Variants in TCEA1 observed in about 807,000 individuals in gnomAD.
TCEA1 encodes the protein transcription elongation factor A protein 1.
A neutral mutation model predicts 43.8 loss-of-function variants in TCEA1; 21 were observed. That is an observed-to-expected ratio of 0.48 (90% CI 0.34 to 0.69). TCEA1 has a LOEUF of 0.69. TCEA1 is among the 30% of genes least tolerant of loss of function. The pLI is 0.01. For synonymous variants in TCEA1, 104 were observed against 117.5 expected (o/e 0.88, Z 0.75); for missense variants, 250 against 365.1 (o/e 0.68, Z 2.57).
Position 53,967,195 on chromosome 8 carries a change from T to C in TCEA1, c.*909A>G, listed in dbSNP as rs1484245595. 4.9e-6 allele frequency: 1 copy of C among 204,322 alleles called. No individual in the cohort carries two copies. Among genetic ancestry groups the C allele is most frequent in the Non-Finnish European group, 1.0e-5 (1 of 99,494 alleles). The allele number at this position is 204,322 out of a possible 1,614,324, so 12.7% of individuals were successfully genotyped here. On this transcript the variant is annotated 3_prime_UTR_variant, in exon 10 of 10. Transcript: ENST00000521604. Reference sequence around the variant, plus strand: ...ATCCTTAAGATTAATCCTTGGTCAGTATAGATTTCCGAATCAAAATCTAGT... The same window carrying C: ...ATCCTTAAGATTAATCCTTGGTCAGCATAGATTTCCGAATCAAAATCTAGT...
chr8:54,012,493 A>T (rs1470423076), intron 1 of TCEA1, among the ~76,000 whole-genome samples: 3 of 152,208 alleles, frequency 2.0e-5, no homozygotes, highest in Non-Finnish European at 2.9e-5. Context: ...CAGGAAGTGG[A>T]GGTTGCAGTG....
intron 8 of TCEA1, chr8:53,974,007 T>A (rs7845907): frequency 0.15 from 24,399 of 159,026 alleles, 5,423 homozygotes; most frequent in African/African-American, 0.51. Context: ...AAACCCTGTC[T>A]CTACTAAAAA....
intron 2 of TCEA1, among the ~76,000 whole-genome samples, chr8:54,006,863 A>G (rs995067865): frequency 6.6e-6 from 1 of 152,090 alleles, no homozygotes; most frequent in Non-Finnish European, 1.5e-5. Context: ...TTTGATACAG[A>G]GTCTTGCTCT....
rs1803750051 is a variant in TCEA1 at position 53,988,145 on chromosome 8, C to T, written c.435G>A (p.Arg145=). The change falls in exon 5 of 10, where the codon AGG becomes AGA. Residue 145 remains arginine (R), a synonymous_variant. Coordinates refer to ENST00000521604, the MANE Select transcript of TCEA1 (RefSeq NM_006756.4). ...TTCGAAGAGCTGCAGCAAGCATCTC[C>T]CTACACTTCAACCGCACAGAATCAG... is the stretch of plus-strand genomic sequence containing the variant. ...STSDSVRLKC[R]EMLAAALRTG... is the part of the protein sequence containing the mutation. 6.2e-7 allele frequency: 1 copy of T among 1,612,314 alleles called. No individual in the cohort carries two copies. Among genetic ancestry groups the T allele is most frequent in the Non-Finnish European group, 8.5e-7 (1 of 1,179,596 alleles).
intron 2 of TCEA1, among the ~76,000 whole-genome samples, chr8:54,005,549 T>C (rs913830875): frequency 6.6e-6 from 1 of 152,286 alleles, no homozygotes; most frequent in Non-Finnish European, 1.5e-5. Context: ...CTACCTTTCT[T>C]GAATATTCTT....
intron 1 of TCEA1, among the ~76,000 whole-genome samples, chr8:54,017,498 T>C (rs774193784): frequency 2.6e-4 from 40 of 152,216 alleles, no homozygotes; most frequent in Non-Finnish European, 3.7e-4. Context: ...TGAGACATTG[T>C]CTCGCTCTGT....
intron 8 of TCEA1, among the ~76,000 whole-genome samples, chr8:53,970,765 G>T (rs1024880438): frequency 1.3e-5 from 2 of 152,020 alleles, no homozygotes; most frequent in African/African-American, 4.8e-5. Context: ...AAATTCATCA[G>T]TAAGTTATTT....
At chr8:54,007,706 A>T (rs2129311561) in intron 2 of TCEA1, among the ~76,000 whole-genome samples, 1 of 152,298 alleles carries the variant, frequency 6.6e-6, no homozygotes, top group Admixed American at 6.5e-5. Flanking sequence ...TTTTTTTCTC[A>T]ATCATGTTCA....
intron 1 of TCEA1, among the ~76,000 whole-genome samples, chr8:54,016,542 G>C (rs766428525): frequency 6.6e-6 from 1 of 152,040 alleles, no homozygotes; most frequent in Non-Finnish European, 1.5e-5. Flanking sequence ...AATGATGAAT[G>C]AATAAGCAAA....
chr8:53,981,340 C>T (rs145387294), intron 7 of TCEA1, among the ~76,000 whole-genome samples: 34 of 152,278 alleles, frequency 2.2e-4, no homozygotes, highest in Middle Eastern at 3.4e-3. Flanking sequence ...AAGAAGTCAA[C>T]GCCTGCCTTC....
In TCEA1 at chr8:54,013,680, CAAAAAAAAAAAAAAA is replaced by C. The variant is rs5891511; in HGVS notation, c.64-3203_64-3189del. Among the ~76,000 whole-genome samples, 652 of 65,362 alleles carry C rather than the reference CAAAAAAAAAAAAAAA, an allele frequency of 1.0e-2. 13 individuals carry two copies. Among genetic ancestry groups the C allele is most frequent in the African/African-American group, 0.033 (616 of 18,620 alleles). 42.9% of individuals were successfully genotyped at this position (65,362 alleles called of 152,430 possible). On this transcript the variant is annotated intron_variant, in intron 1 of 9. Transcript: ENST00000521604. ...TGGACGATAGAGCAAAACTCCATCT[CAAAAAAAAAAAAAAA>C]AAAAAAACAAAAAACAGACAAACAA... is the stretch of plus-strand genomic sequence containing the variant.
chr8:53,978,176 ATCAT>A, intron 8 of TCEA1, among the ~76,000 whole-genome samples: 1 of 152,256 alleles, frequency 6.6e-6, no homozygotes, highest in Middle Eastern at 3.4e-3. Context: ...AGGTGAGAGG[ATCAT>A]TCGAGTCTGG....
intron 9 of TCEA1, chr8:53,970,179 CAAAT>C (rs1803113157): frequency 3.5e-6 from 2 of 571,866 alleles, no homozygotes; most frequent in Admixed American, 3.3e-5. Context: ...TGCACCAAAA[CAAAT>C]AAAGGTGGTA....
At chr8:54,004,630 G>T (rs891726430) in intron 2 of TCEA1, among the ~76,000 whole-genome samples, 1 of 152,202 alleles carries the variant, frequency 6.6e-6, no homozygotes, top group Non-Finnish European at 1.5e-5. Context: ...AGGAAGACCA[G>T]TTGGGGGGAA....
chr8:53,986,742 G>C (rs964323115), intron 6 of TCEA1, among the ~76,000 whole-genome samples: 1 of 152,144 alleles, frequency 6.6e-6, no homozygotes, highest in African/African-American at 2.4e-5. Context: ...TCATGGGCTT[G>C]GAGCCAAATT....
At chr8:53,978,818 TATC>T (rs1803419398) in intron 8 of TCEA1, 1 of 448,850 alleles carries the variant, frequency 2.2e-6, no homozygotes, top group East Asian at 3.3e-5. Context: ...AAATAAAACT[TATC>T]AGTACATATG....
intron 3 of TCEA1, 29 bp from the exon 4 acceptor site, chr8:53,993,784 T>C: frequency 6.3e-7 from 1 of 1,584,430 alleles, no homozygotes; most frequent in Non-Finnish European, 8.6e-7. Flanking sequence ...CTTAAGTTGC[T>C]AGCATTTGTA....
intron 1 of TCEA1, among the ~76,000 whole-genome samples, chr8:54,013,879 G>A (rs1170145804): frequency 6.6e-6 from 1 of 151,928 alleles, no homozygotes; most frequent in Non-Finnish European, 1.5e-5. Context: ...ATAGAAGCAG[G>A]TATTATCTCC....
chr8:54,013,680 CAAAAAAAAAA>C (rs5891511), intron 1 of TCEA1, among the ~76,000 whole-genome samples: 8 of 65,302 alleles, frequency 1.2e-4, no homozygotes, highest in Non-Finnish European at 1.7e-4. Context: ...AACTCCATCT[CAAAAAAAAAA>C]AAAAAAAAAA....
Sources: allele counts gnomAD v4.1 joint callset (sites outside exome capture counted in the v4.1 genomes callset), GRCh38; gene constraint gnomAD v4.1.1; transcripts MANE v1.5; gene names NCBI Gene and HGNC (gene_info 2026-07-23, HGNC 2026-07-21).